Variants in CORO2B observed in about 807,000 individuals in gnomAD.
The protein encoded by CORO2B is coronin 2B, also known as coronin-2B.
In CORO2B, 26 loss-of-function variants were observed where a neutral mutation model predicts 58.8. The observed-to-expected ratio is 0.44, with a 90% confidence interval of 0.32 to 0.61. The LOEUF (loss-of-function observed/expected upper bound fraction) is 0.61, where lower values mean the gene tolerates loss of function less well. Among genes scored for constraint, CORO2B ranks in the 20% least tolerant of loss-of-function variants. CORO2B has a pLI of 0.04. For missense variants in CORO2B, 460 were observed against 645.1 expected (o/e 0.71, Z 3.11); for synonymous variants, 242 against 253.8 (o/e 0.95, Z 0.44).
chr15:68,541,128 G>A, the CORO2B span, among the ~76,000 whole-genome samples: 10 of 152,164 alleles, frequency 6.6e-5, no homozygotes, highest in African/African-American at 9.6e-5. Context: ...ACAGCTACTC[G>A]GGAGGATGAG....
chr15:68,713,393 G>T (rs375929592), intron 5 of CORO2B, among the ~76,000 whole-genome samples: 1 of 152,176 alleles, frequency 6.6e-6, no homozygotes, highest in African/African-American at 2.4e-5. Context: ...GGCAGAGAAG[G>T]CATCTGTGGA....
chr15:68,721,215 T>C (rs1567020771), intron 11 of CORO2B, among the ~76,000 whole-genome samples: 4 of 152,144 alleles, frequency 2.6e-5, no homozygotes, highest in South Asian at 4.1e-4. Context: ...AATAAGACCC[T>C]TCTTGACCTC....
In CORO2B at chr15:68,645,756, T is replaced by C. The variant is rs911620062; in HGVS notation, c.216+396T>C. 1.3e-5 allele frequency among the ~76,000 whole-genome samples: 2 copies of C among 152,074 alleles called. No individual in the cohort carries two copies. The highest frequency in any genetic ancestry group is 2.9e-5 in the Non-Finnish European group (2 of 68,022). ...AGACCTAGCCATAGGTATTATACATTGAGCATCTGCAAAAATTATACAATT... is the reference window on the plus strand; with the variant it reads ...AGACCTAGCCATAGGTATTATACATCGAGCATCTGCAAAAATTATACAATT... On this transcript the variant is annotated intron_variant, in intron 2 of 11. Transcript: ENST00000261861. This position sits in a 1 kb window ranked among gnomAD's most constrained non-coding sequence, Gnocchi z 4.5.
intron 1 of CORO2B, among the ~76,000 whole-genome samples, chr15:68,582,552 A>G (rs1175823750): frequency 6.6e-6 from 1 of 152,220 alleles, no homozygotes; most frequent in Non-Finnish European, 1.5e-5. Flanking sequence ...GTTCCATCTC[A>G]GTCATGTACC....
chr15:68,715,965 C>T (rs1348064457), intron 8 of CORO2B, among the ~76,000 whole-genome samples: 1 of 152,248 alleles, frequency 6.6e-6, no homozygotes, highest in Non-Finnish European at 1.5e-5. Context: ...TCAGGGACCT[C>T]CCGTTCCCAC....
the CORO2B span, among the ~76,000 whole-genome samples, chr15:68,538,312 C>G: frequency 6.6e-6 from 1 of 152,182 alleles, no homozygotes; most frequent in African/African-American, 2.4e-5. Context: ...CTTTTAATTG[C>G]ATAAAATAAT....
chr15:68,702,492 C>G (rs1396445652), intron 3 of CORO2B, among the ~76,000 whole-genome samples: 2 of 152,086 alleles, frequency 1.3e-5, no homozygotes, highest in Non-Finnish European at 2.9e-5. Context: ...AACAGTGAGT[C>G]CAGTGCTCAG....
At chr15:68,578,813 C>T (rs1484213864), upstream of CORO2B, among the ~76,000 whole-genome samples, 3 of 151,962 alleles carry the variant, frequency 2.0e-5, no homozygotes, top group East Asian at 3.9e-4. This position sits in a 1 kb window ranked among gnomAD's most constrained non-coding sequence, Gnocchi z 4.2. Flanking sequence ...CCCGGGCGCC[C>T]GTCCGGACTC....
At chr15:68,692,957 C>T (rs980833429) in intron 2 of CORO2B, among the ~76,000 whole-genome samples, 1 of 152,090 alleles carries the variant, frequency 6.6e-6, no homozygotes, top group Non-Finnish European at 1.5e-5. Context: ...TCTAACAGCC[C>T]AAAAGTAATT....
intron 1 of CORO2B, among the ~76,000 whole-genome samples, chr15:68,588,465 C>G (rs540926793): frequency 6.6e-6 from 1 of 152,186 alleles, no homozygotes; most frequent in Non-Finnish European, 1.5e-5. Flanking sequence ...AGCATCCAAA[C>G]CTTGATCTGT....
chr15:68,552,885 C>T, the CORO2B span, among the ~76,000 whole-genome samples: 1 of 152,212 alleles, frequency 6.6e-6, no homozygotes, highest in Non-Finnish European at 1.5e-5. Flanking sequence ...CTGACCAGGA[C>T]ACGTAGTGGT....
chr15:68,587,178 G>A (rs1239291810), intron 1 of CORO2B, among the ~76,000 whole-genome samples: 6 of 151,730 alleles, frequency 4.0e-5, no homozygotes, highest in Admixed American at 6.6e-5. Flanking sequence ...CCTGGGCAAC[G>A]TAGTGAGACC....
At chr15:68,594,446 C>T (rs1899779301) in intron 1 of CORO2B, among the ~76,000 whole-genome samples, 1 of 152,228 alleles carries the variant, frequency 6.6e-6, no homozygotes, top group Non-Finnish European at 1.5e-5. Flanking sequence ...CCCAGGTGAG[C>T]AGCCCTGGCA....
intron 2 of CORO2B, among the ~76,000 whole-genome samples, chr15:68,666,829 T>A (rs1441029611): frequency 6.6e-6 from 1 of 152,126 alleles, no homozygotes; most frequent in African/African-American, 2.4e-5. Flanking sequence ...ATGATAAAAA[T>A]ACACGGTTTT....
intron 2 of CORO2B, among the ~76,000 whole-genome samples, chr15:68,670,471 C>T (rs754900633): frequency 4.6e-5 from 7 of 152,250 alleles, no homozygotes; most frequent in South Asian, 2.1e-4. Flanking sequence ...TGAGCCATCG[C>T]GCCCAGCCAG....
At chr15:68,708,357 C>CTTTTTTTTTTTTTTTT (rs921103212) in intron 3 of CORO2B, among the ~76,000 whole-genome samples, 7 of 114,966 alleles carry the variant, frequency 6.1e-5, no homozygotes, top group Non-Finnish European at 9.1e-5. Flanking sequence ...TTTTTTTCTT[C>CTTTTTTTTTTTTTTTT]TTTTTTTTTT....
At chr15:68,602,263 A>G (rs1900003445) in intron 1 of CORO2B, among the ~76,000 whole-genome samples, 1 of 152,112 alleles carries the variant, frequency 6.6e-6, no homozygotes, top group South Asian at 2.1e-4. Context: ...TTTATGTTTT[A>G]AAAGACCACT....
At chr15:68,695,577 G>A (rs931440391) in intron 3 of CORO2B, among the ~76,000 whole-genome samples, 4 of 152,208 alleles carry the variant, frequency 2.6e-5, no homozygotes, top group Non-Finnish European at 4.4e-5. Context: ...GCAAGGGAAA[G>A]AATATGAACA....
At position 68,711,649 on chromosome 15, in the gene CORO2B, C is replaced by A. The variant is rs1283355033; in HGVS notation, c.591C>A (p.Thr197=). The change falls in exon 5 of 12, where the codon ACC becomes ACA. Residue 197 remains threonine, a synonymous_variant. Transcript: ENST00000261861. ...SFNTDGSLLT[T]TCKDKKLRVI... ...ACACGGACGGCAGCCTGCTCACCAC[C>A]ACGTGCAAGGACAAGAAGCTGCGTG... 1 of 1,613,998 alleles carries A rather than the reference C, an allele frequency of 6.2e-7. No homozygotes were observed. The highest frequency in any genetic ancestry group is 8.5e-7 in the Non-Finnish European group (1 of 1,179,994).
Sources: gnomAD v4.1 joint callset for allele counts (sites outside exome capture counted in the v4.1 genomes callset) on GRCh38, gnomAD v4.1.1 for gene constraint, Gnocchi (gnomAD v3.1) non-coding constraint, MANE v1.5 for transcripts, NCBI Gene and HGNC (gene_info 2026-07-23, HGNC 2026-07-21) for gene names.